ZBTB16: variants seen among roughly 807,000 people sequenced by gnomAD.
ZBTB16 encodes the protein zinc finger and BTB domain containing 16, also known as zinc finger and BTB domain-containing protein 16.
Under a neutral mutation model 56.8 loss-of-function variants are expected in ZBTB16, and 8 were observed. The ratio of observed to expected loss-of-function variants is 0.14; its 90% CI spans 0.08 to 0.25. The LOEUF is 0.25. Among genes scored for constraint, ZBTB16 ranks in the 10% least tolerant of loss-of-function variants. The pLI is 1.00. For synonymous variants in ZBTB16, 363 were observed against 368.5 expected (o/e 0.98, Z 0.17); for missense variants, 625 against 903.0 (o/e 0.69, Z 3.95).
intron 3 of ZBTB16, among the ~76,000 whole-genome samples, chr11:114,176,007 G>A (rs546458165): frequency 1.6e-3 from 241 of 146,604 alleles, no homozygotes; most frequent in African/African-American, 5.7e-3. Flanking sequence ...GTGTGCGTGC[G>A]TGTGTGTGTG....
intron 2 of ZBTB16, among the ~76,000 whole-genome samples, chr11:114,081,400 A>G (rs1223011339): frequency 7.8e-6 from 1 of 127,750 alleles, no homozygotes; most frequent in Non-Finnish European, 1.7e-5. Flanking sequence ...TTGAGTTAAA[A>G]TATGTATGTT....
At chr11:114,127,935 C>G (rs79544823) in intron 2 of ZBTB16, among the ~76,000 whole-genome samples, 27 of 152,224 alleles carry the variant, frequency 1.8e-4, no homozygotes, top group Non-Finnish European at 2.6e-4. Context: ...GCCGTCTCCC[C>G]CTTGGAAGGC....
At chr11:114,187,141 C>A in intron 4 of ZBTB16, 103 bp downstream of exon 4, 1 of 1,121,686 alleles carries the variant, frequency 8.9e-7, no homozygotes. Flanking sequence ...ATGTGACATC[C>A]AGTAATTTCC....
intron 4 of ZBTB16, among the ~76,000 whole-genome samples, chr11:114,195,354 G>C (rs1943580607): frequency 6.6e-6 from 1 of 152,144 alleles, no homozygotes. Flanking sequence ...TATTGGTAAT[G>C]TGAACATGGG....
At chr11:114,153,445 T>C (rs879330629) in intron 2 of ZBTB16, among the ~76,000 whole-genome samples, 1 of 152,208 alleles carries the variant, frequency 6.6e-6, no homozygotes, top group Non-Finnish European at 1.5e-5. Context: ...GACCTTACCC[T>C]GAGGATTAGA....
At chr11:114,150,029 C>T (rs1009032628) in intron 2 of ZBTB16, among the ~76,000 whole-genome samples, 1 of 152,200 alleles carries the variant, frequency 6.6e-6, no homozygotes, top group Non-Finnish European at 1.5e-5. Flanking sequence ...TTCTTGCCCC[C>T]ACAGAGTGTA....
chr11:114,162,805 G>T (rs1942627736), intron 3 of ZBTB16, among the ~76,000 whole-genome samples: 1 of 152,198 alleles, frequency 6.6e-6, no homozygotes. Context: ...CCGCATGGGT[G>T]ATGCGGATGC....
chr11:114,079,267 G>A (rs1260622740), intron 2 of ZBTB16, among the ~76,000 whole-genome samples: 3 of 152,062 alleles, frequency 2.0e-5, no homozygotes, highest in African/African-American at 4.8e-5. Context: ...GATAAAAAAC[G>A]TGTAAAGTGC....
intron 4 of ZBTB16, among the ~76,000 whole-genome samples, chr11:114,225,617 C>T (rs1005996155): frequency 5.3e-5 from 8 of 151,988 alleles, no homozygotes; most frequent in Middle Eastern, 3.2e-3. Context: ...TTAATCCACG[C>T]GTGAGGGCAC....
intron 4 of ZBTB16, among the ~76,000 whole-genome samples, chr11:114,240,290 C>T (rs541713600): frequency 5.3e-5 from 8 of 152,272 alleles, no homozygotes; most frequent in East Asian, 3.9e-4. Context: ...ATGAGTGGGA[C>T]GGAGGTGGTG....
At chr11:114,249,634 A>G (rs992448313) in intron 6 of ZBTB16, among the ~76,000 whole-genome samples, 42 of 143,930 alleles carry the variant, frequency 2.9e-4, no homozygotes, top group Middle Eastern at 3.5e-3. Flanking sequence ...GCGCGGTGGC[A>G]GGCGCCTGTA....
chr11:114,197,365 C>A (rs939741041), intron 4 of ZBTB16, among the ~76,000 whole-genome samples: 1 of 152,106 alleles, frequency 6.6e-6, no homozygotes, highest in East Asian at 1.9e-4. Context: ...TTGGAGGGAA[C>A]CCCACCCAAA....
At chr11:114,070,939 G>A (rs1939323559) in intron 2 of ZBTB16, among the ~76,000 whole-genome samples, 4 of 152,176 alleles carry the variant, frequency 2.6e-5, no homozygotes, top group Admixed American at 2.6e-4. Flanking sequence ...GTGAAGATAG[G>A]AAGATGGCAG....
chr11:114,214,333 C>A (rs1944052426), intron 4 of ZBTB16, among the ~76,000 whole-genome samples: 1 of 151,920 alleles, frequency 6.6e-6, no homozygotes, highest in African/African-American at 2.4e-5. Context: ...ATAACTGTGA[C>A]AGTTATTTGT....
chr11:114,097,570 T>C (rs1056831917), intron 2 of ZBTB16, among the ~76,000 whole-genome samples: 4 of 152,188 alleles, frequency 2.6e-5, no homozygotes, highest in African/African-American at 9.7e-5. Flanking sequence ...ATAAAAACCC[T>C]CTGCTAAATT....
At chr11:114,088,302 TG>T (rs2137716975) in intron 2 of ZBTB16, among the ~76,000 whole-genome samples, 1 of 152,102 alleles carries the variant, frequency 6.6e-6, no homozygotes, top group Non-Finnish European at 1.5e-5. Context: ...CTACCATGCC[TG>T]GCTAATTTTT....
intron 4 of ZBTB16, among the ~76,000 whole-genome samples, chr11:114,231,875 C>CT: frequency 1.3e-5 from 2 of 152,306 alleles, no homozygotes; most frequent in Admixed American, 1.3e-4. Flanking sequence ...GAGAAAAACC[C>CT]TTTAAGGATC....
chr11:114,211,775 T>A (rs1944002317), intron 4 of ZBTB16, among the ~76,000 whole-genome samples: 1 of 151,906 alleles, frequency 6.6e-6, no homozygotes, highest in Admixed American at 6.6e-5. Context: ...CAGCTTGCAG[T>A]GGGGGATTGG....
At chr11:114,067,316 G>A (rs1939154163) in intron 2 of ZBTB16, among the ~76,000 whole-genome samples, 1 of 152,164 alleles carries the variant, frequency 6.6e-6, no homozygotes, top group Non-Finnish European at 1.5e-5. Flanking sequence ...TGCAGAGAAT[G>A]TCCCTGTCCT....
Sources: allele counts gnomAD v4.1 joint callset (sites outside exome capture counted in the v4.1 genomes callset), GRCh38; gene constraint gnomAD v4.1.1; transcripts MANE v1.5; gene names NCBI Gene and HGNC (gene_info 2026-07-23, HGNC 2026-07-21).